MPDZ: variants seen among roughly 807,000 people sequenced by gnomAD.
MPDZ encodes the protein multiple PDZ domain crumbs cell polarity complex component, also known as multiple PDZ domain protein.
MPDZ carries 234 observed loss-of-function variants against 239.1 expected under a neutral mutation model. That is an observed-to-expected ratio of 0.98 (90% CI 0.88 to 1.09). The LOEUF is 1.09. MPDZ is among the 50% of genes least tolerant of loss of function. The pLI is 0.00. For synonymous variants in MPDZ, 1,048 were observed against 881.3 expected (o/e 1.19, Z -3.35); for missense variants, 3,175 against 2,510.0 (o/e 1.26, Z -5.66).
chr9:13,240,202 GAAAATA>G (rs1348244036), intron 3 of MPDZ, among the ~76,000 whole-genome samples: 1 of 151,764 alleles, frequency 6.6e-6, no homozygotes. Context: ...CTGCTTAGAG[GAAAATA>G]AAAATAAAAT....
chr9:13,112,753 G>A (rs1489582696), intron 42 of MPDZ, among the ~76,000 whole-genome samples: 1 of 152,132 alleles, frequency 6.6e-6, no homozygotes, highest in Non-Finnish European at 1.5e-5. Flanking sequence ...AGAAGTGAGA[G>A]GCATGGTATT....
At chr9:13,111,106 T>A (rs1942387264) in intron 43 of MPDZ, among the ~76,000 whole-genome samples, 1 of 151,246 alleles carries the variant, frequency 6.6e-6, no homozygotes, top group African/African-American at 2.5e-5. Context: ...TAGATGTGAC[T>A]CTAAGTCGGA....
In MPDZ at chr9:13,216,721, T is replaced by C. The variant is rs1243789024; in HGVS notation, c.1290+53A>G. On this transcript the variant is annotated intron_variant, in intron 10 of 46. Transcript: ENST00000319217. The stretch of plus-strand genomic sequence containing the variant: ...CTCAAAACTAAGTAAACTAGGAGAA[T>C]ACAATTCTCAACCATGAAAATTAAC... The C allele has an allele frequency of 4.4e-6, 6 of 1,355,634 alleles. No homozygotes were observed. In the East Asian group the frequency reaches 9.4e-5, roughly 21 times the overall value. The allele number at this position is 1,355,634 out of a possible 1,614,324, so 84.0% of individuals were successfully genotyped here. A position where few individuals can be genotyped will look rare whatever the true frequency, so the allele number is the denominator to read the frequency against.
rs981324479 is a variant in MPDZ, at chr9:13,237,418, C to T, written c.183+10217G>A. Among the ~76,000 whole-genome samples the T allele has an allele frequency of 5.1e-5, 6 of 116,900 alleles. No homozygotes were observed. The South Asian group carries it at 8.5e-4, about 16-fold the overall frequency. 76.7% of individuals were successfully genotyped at this position (116,900 alleles called of 152,430 possible). On this transcript the variant is annotated intron_variant, in intron 3 of 46. Coordinates refer to ENST00000319217, the MANE Select transcript of MPDZ (RefSeq NM_001378778.1). ...TGCCACTGCACTCCAGCCCAGTCTA[C>T]GTGACAGAGCAAGACACTGTCTCAA...
chr9:13,106,017 T>A lies in MPDZ; in HGVS notation c.*948A>T, dbSNP rs1438266479. 1 of 152,186 alleles carries A rather than the reference T, an allele frequency of 6.6e-6. No individual in the cohort carries two copies. The highest frequency in any genetic ancestry group is 6.5e-5 in the Admixed American group (1 of 15,268). The allele number at this position is 152,186 out of a possible 1,614,324, so 9.4% of individuals were successfully genotyped here. ...TTTTTCTATCAATTTACTAATGGCA[T>A]ACAACCAAAATAATTAGTAACACAT... is the stretch of plus-strand genomic sequence containing the variant. On this transcript the variant is annotated 3_prime_UTR_variant, in exon 47 of 47. Transcript: ENST00000319217.
intron 38 of MPDZ, chr9:13,120,423 T>C (rs1332249127): frequency 1.3e-5 from 2 of 152,214 alleles, no homozygotes; most frequent in South Asian, 2.1e-4. Flanking sequence ...AGACGGTCTT[T>C]GTATGGTCTT....
intron 10 of MPDZ, among the ~76,000 whole-genome samples, chr9:13,214,117 C>G (rs755151443): frequency 1.3e-5 from 2 of 151,896 alleles, no homozygotes; most frequent in African/African-American, 4.8e-5. Flanking sequence ...AAAGCTTGTA[C>G]GTGAATGTTC....
rs557497398 is a variant in MPDZ, at chr9:13,106,039, A to G, written c.*926T>C. On this transcript the variant is annotated 3_prime_UTR_variant, in exon 47 of 47. Transcript: ENST00000319217. ...GCATACAACCAAAATAATTAGTAACACATTGTTCTCTGTCATTAAGATTAA... is the reference window on the plus strand; with the variant it reads ...GCATACAACCAAAATAATTAGTAACGCATTGTTCTCTGTCATTAAGATTAA... 1.1e-3 allele frequency: 165 copies of G among 152,310 alleles called. No homozygotes were observed. Among genetic ancestry groups the G allele is most frequent in the African/African-American group, 3.9e-3 (163 of 41,570 alleles). The allele number at this position is 152,310 out of a possible 1,614,324, so 9.4% of individuals were successfully genotyped here.
intron 41 of MPDZ, 59 bp from the exon 42 acceptor site, chr9:13,113,113 G>C: frequency 7.0e-7 from 1 of 1,436,452 alleles, no homozygotes; most frequent in Non-Finnish European, 9.5e-7. Flanking sequence ...TTTTATGTTC[G>C]TTAAAATATC....
intron 45 of MPDZ, among the ~76,000 whole-genome samples, chr9:13,109,526 A>G (rs1942060958): frequency 2.0e-5 from 3 of 152,174 alleles, no homozygotes; most frequent in African/African-American, 4.8e-5. Context: ...CTGTTTTCCA[A>G]TGCTTTTGTA....
intron 27 of MPDZ, among the ~76,000 whole-genome samples, chr9:13,142,270 T>G (rs1283623138): frequency 6.6e-6 from 1 of 152,100 alleles, no homozygotes; most frequent in Non-Finnish European, 1.5e-5. Context: ...TCTGAAAAAT[T>G]GTCTGGGATC....
At chr9:13,253,929 G>A (rs1968758806) in intron 1 of MPDZ, among the ~76,000 whole-genome samples, 1 of 152,142 alleles carries the variant, frequency 6.6e-6, no homozygotes, top group Non-Finnish European at 1.5e-5. Flanking sequence ...TTTATAACAA[G>A]GAAAATGAGG....
intron 1 of MPDZ, among the ~76,000 whole-genome samples, chr9:13,259,170 A>C (rs1459032452): frequency 1.3e-5 from 2 of 152,144 alleles, no homozygotes; most frequent in Non-Finnish European, 2.9e-5. Flanking sequence ...TGAAACTTTA[A>C]TATAATGAGA....
Position 13,247,644 on chromosome 9 carries a change from C to A in MPDZ, c.174G>T (p.Leu58=), listed in dbSNP as rs111448562. 73 of 1,610,458 alleles carry A rather than the reference C, an allele frequency of 4.5e-5. No individual in the cohort carries two copies. The highest frequency in any genetic ancestry group is 3.3e-4 in the Middle Eastern group (2 of 6,036). The change falls in exon 3 of 47, where the codon CTG becomes CTT. Residue 58 remains leucine (L), a synonymous_variant. Coordinates refer to ENST00000319217, the MANE Select transcript of MPDZ (RefSeq NM_001378778.1). ...GTGAATGATGTCCTACCTGGTCTTT[C>A]AGCTGCTGTACAGAAGTCTGAAGGC... ...ILSLQTSVQQ[L]KDQVNIATSA...
intron 21 of MPDZ, among the ~76,000 whole-genome samples, chr9:13,171,724 G>A (rs1951807625): frequency 6.6e-6 from 1 of 152,046 alleles, no homozygotes; most frequent in Non-Finnish European, 1.5e-5. Context: ...AAACCCAAAT[G>A]ATTCATGAAA....
At chr9:13,172,912 TAAAC>T (rs778156389) in intron 21 of MPDZ, among the ~76,000 whole-genome samples, 9 of 152,258 alleles carry the variant, frequency 5.9e-5, no homozygotes, top group Admixed American at 2.6e-4. Flanking sequence ...GATGAATAAA[TAAAC>T]AAAGTATAGT....
chr9:13,260,741 C>G (rs1970501205), intron 1 of MPDZ, among the ~76,000 whole-genome samples: 1 of 152,188 alleles, frequency 6.6e-6, no homozygotes, highest in South Asian at 2.1e-4. Context: ...CATGAGCACA[C>G]AAGAAGGTAG....
At chr9:13,152,642 G>C (rs1162864152) in intron 24 of MPDZ, among the ~76,000 whole-genome samples, 1 of 151,652 alleles carries the variant, frequency 6.6e-6, no homozygotes, top group Non-Finnish European at 1.5e-5. Context: ...CATGAAAACG[G>C]ACTAATATAC....
At chr9:13,267,246 A>C (rs1431684436) in intron 1 of MPDZ, among the ~76,000 whole-genome samples, 1 of 152,230 alleles carries the variant, frequency 6.6e-6, no homozygotes, top group Non-Finnish European at 1.5e-5. Flanking sequence ...AATTGGCGTC[A>C]GTTTTACTGT....
Sources: gnomAD v4.1 joint callset for allele counts (sites outside exome capture counted in the v4.1 genomes callset) on GRCh38, gnomAD v4.1.1 for gene constraint, MANE v1.5 for transcripts, NCBI Gene and HGNC (gene_info 2026-07-23, HGNC 2026-07-21) for gene names.